CACNA1E: variants seen among roughly 807,000 people sequenced by gnomAD.
CACNA1E encodes voltage-dependent R-type calcium channel subunit alpha-1E.
CACNA1E carries 40 observed loss-of-function variants against 259.2 expected under a neutral mutation model. That is an observed-to-expected ratio of 0.15 (90% CI 0.12 to 0.20). The LOEUF is 0.20. Ranked by LOEUF, CACNA1E falls within the 10% of genes least tolerant of loss-of-function variation. The probability of loss-of-function intolerance (pLI) is 1.00; values close to 1 mark genes in which losing one functional copy is unlikely to be tolerated. For missense variants in CACNA1E, 1,874 were observed against 3,040.1 expected (o/e 0.62, Z 9.02); for synonymous variants, 1,104 against 1,138.5 (o/e 0.97, Z 0.61).
intron 22 of CACNA1E, among the ~76,000 whole-genome samples, chr1:181,736,880 C>G (rs1656089848): frequency 6.6e-6 from 1 of 152,158 alleles, no homozygotes; most frequent in African/African-American, 2.4e-5. Context: ...ATGGTCTGCT[C>G]TGAGCATGCT....
At chr1:181,556,586 C>T (rs540265146) in intron 3 of CACNA1E, among the ~76,000 whole-genome samples, 10 of 152,330 alleles carry the variant, frequency 6.6e-5, no homozygotes, top group African/African-American at 2.2e-4. Flanking sequence ...GTGCCCCTTC[C>T]GTGCTACCCA....
chr1:181,339,093 A>T (rs1401220746), intron 1 of CACNA1E, among the ~76,000 whole-genome samples: 1 of 152,140 alleles, frequency 6.6e-6, no homozygotes, highest in Non-Finnish European at 1.5e-5. Flanking sequence ...ATCAGGAAGT[A>T]TGATGCTTCC....
chr1:181,366,592 G>T (rs1457420219), intron 1 of CACNA1E, among the ~76,000 whole-genome samples: 2 of 152,172 alleles, frequency 1.3e-5, no homozygotes, highest in African/African-American at 4.8e-5. Context: ...CATAAGGGCT[G>T]CTGTAGGAGG....
chr1:181,583,624 C>T (rs991909763), intron 6 of CACNA1E, among the ~76,000 whole-genome samples: 2 of 152,190 alleles, frequency 1.3e-5, no homozygotes, highest in Non-Finnish European at 2.9e-5. Context: ...TTCCTAGATG[C>T]CTCCCTATGA....
intron 1 of CACNA1E, among the ~76,000 whole-genome samples, chr1:181,373,637 A>G (rs1413180309): frequency 6.8e-6 from 1 of 147,728 alleles, no homozygotes; most frequent in South Asian, 2.1e-4. Context: ...TCCCGGGTTC[A>G]CGCCATTCTC....
intron 3 of CACNA1E, among the ~76,000 whole-genome samples, chr1:181,552,441 CT>C (rs60645286): frequency 2.0e-5 from 3 of 150,908 alleles, no homozygotes; most frequent in African/African-American, 2.4e-5. Context: ...GTATTCATAG[CT>C]TTTTTTTTCT....
At chr1:181,648,939 G>C (rs1230019362) in intron 6 of CACNA1E, among the ~76,000 whole-genome samples, 1 of 152,210 alleles carries the variant, frequency 6.6e-6, no homozygotes, top group Non-Finnish European at 1.5e-5. Flanking sequence ...AATAAACCCT[G>C]TTAATCTGGA....
chr1:181,340,293 G>A (rs1319329894), intron 1 of CACNA1E, among the ~76,000 whole-genome samples: 1 of 151,706 alleles, frequency 6.6e-6, no homozygotes, highest in East Asian at 1.9e-4. Context: ...ATTTTATTCT[G>A]TTGATTAATT....
At chr1:181,699,480 T>C (rs1156977218) in intron 7 of CACNA1E, among the ~76,000 whole-genome samples, 1 of 152,166 alleles carries the variant, frequency 6.6e-6, no homozygotes, top group Non-Finnish European at 1.5e-5. Flanking sequence ...AGCAGATCTA[T>C]GGAGGGTCTC....
intron 6 of CACNA1E, among the ~76,000 whole-genome samples, chr1:181,624,844 C>A (rs1446274023): frequency 6.6e-6 from 1 of 152,096 alleles, no homozygotes; most frequent in Admixed American, 6.6e-5. Flanking sequence ...TGCCTAGATC[C>A]ATTAGAGGAA....
rs1237347494 is a variant in CACNA1E at position 181,731,160 on chromosome 1, A to G, written c.2241-15A>G. 1 of 1,612,096 alleles carries G rather than the reference A, an allele frequency of 6.2e-7. No homozygotes were observed. Among genetic ancestry groups the G allele is most frequent in the Non-Finnish European group, 8.5e-7 (1 of 1,178,442 alleles). On this transcript the variant is annotated splice_polypyrimidine_tract_variant and intron_variant, in intron 18 of 47. Coordinates refer to ENST00000367573, the MANE Select transcript of CACNA1E (RefSeq NM_001205293.3). ...AGGTTGGGGTGAACTGAACCTGTCC[A>G]TTTTTCTTCCCCAGAAGAGACAGAA...
At position 181,776,438 on chromosome 1, in the gene CACNA1E, G is replaced by C; in HGVS notation, c.5267+210G>C. The C allele has an allele frequency of 1.8e-6, 1 of 545,022 alleles. No individual in the cohort carries two copies. The highest frequency in any genetic ancestry group is 2.3e-5 in the South Asian group (1 of 43,744). 33.8% of individuals were successfully genotyped at this position (545,022 alleles called of 1,614,324 possible). ...TCCTTTCCCCTCTCTTTCCTTCTGT[G>C]ACAGGGTTTTCCCTTTGTGGGCTGG... is the stretch of plus-strand genomic sequence containing the variant. On this transcript the variant is annotated intron_variant, in intron 38 of 47. Transcript: ENST00000367573. The surrounding 1 kb of genome is among the most constrained non-coding windows in gnomAD (Gnocchi z 4.4).
chr1:181,360,504 T>C (rs552195732), intron 1 of CACNA1E, among the ~76,000 whole-genome samples: 3 of 152,300 alleles, frequency 2.0e-5, no homozygotes, highest in East Asian at 1.9e-4. Context: ...AATGGCCATA[T>C]ACTGCATGAT....
intron 2 of CACNA1E, among the ~76,000 whole-genome samples, chr1:181,461,188 G>C (rs1661776293): frequency 6.6e-6 from 1 of 152,160 alleles, no homozygotes; most frequent in Non-Finnish European, 1.5e-5. Context: ...TTTCTTTTGA[G>C]AGGGTCAAAA....
intron 2 of CACNA1E, among the ~76,000 whole-genome samples, chr1:181,474,802 C>T (rs1473797710): frequency 1.3e-5 from 2 of 152,122 alleles, no homozygotes; most frequent in Non-Finnish European, 2.9e-5. Flanking sequence ...CTTATTTCAA[C>T]TCCGTTTCTA....
chr1:181,393,303 C>T (rs1249737396), intron 1 of CACNA1E, among the ~76,000 whole-genome samples: 3 of 152,140 alleles, frequency 2.0e-5, no homozygotes, highest in Non-Finnish European at 2.9e-5. Context: ...ACCTTCCTTA[C>T]AGCATTATCA....
chr1:181,692,098 C>G (rs1291074911), intron 7 of CACNA1E, among the ~76,000 whole-genome samples: 1 of 152,074 alleles, frequency 6.6e-6, no homozygotes, highest in African/African-American at 2.4e-5. Flanking sequence ...AGCAATACAT[C>G]TGCCAAGGAG....
At chr1:181,373,808 G>A (rs928805094) in intron 1 of CACNA1E, among the ~76,000 whole-genome samples, 5 of 152,192 alleles carry the variant, frequency 3.3e-5, no homozygotes, top group South Asian at 4.2e-4. Context: ...TACAGGCATG[G>A]ACCACCGTGC....
At chr1:181,664,821 G>A (rs552575785) in intron 7 of CACNA1E, among the ~76,000 whole-genome samples, 2 of 152,100 alleles carry the variant, frequency 1.3e-5, no homozygotes, top group Non-Finnish European at 2.9e-5. Flanking sequence ...CATGTGAGAG[G>A]CAGGGTGAAG....
Sources: gnomAD v4.1 joint callset for allele counts (sites outside exome capture counted in the v4.1 genomes callset) on GRCh38, gnomAD v4.1.1 for gene constraint, Gnocchi (gnomAD v3.1) non-coding constraint, MANE v1.5 for transcripts, NCBI Gene and HGNC (gene_info 2026-07-23, HGNC 2026-07-21) for gene names.